The following XIRP2 variants were observed in gnomAD, a reference collection of about 807,000 sequenced individuals.
The protein encoded by XIRP2 is xin actin-binding repeat-containing protein 2.
XIRP2 carries 236 observed loss-of-function variants against 277.0 expected under a neutral mutation model. The observed-to-expected ratio is 0.85, with a 90% CI of 0.77 to 0.95. XIRP2 has a LOEUF of 0.95. Among genes scored for constraint, XIRP2 ranks in the 40% least tolerant of loss-of-function variants. The probability of loss-of-function intolerance (pLI) is 0.00; values close to 1 mark genes in which losing one functional copy is unlikely to be tolerated. For missense variants in XIRP2, 4,640 were observed against 4,157.5 expected (o/e 1.12, Z -3.19); for synonymous variants, 1,490 against 1,416.5 (o/e 1.05, Z -1.17).
intron 2 of XIRP2, among the ~76,000 whole-genome samples, chr2:166,976,822 C>A (rs1329613029): frequency 6.6e-6 from 1 of 152,160 alleles, no homozygotes; most frequent in Non-Finnish European, 1.5e-5. Context: ...TGGGGCTCTC[C>A]ATTTCCTCCA....
intron 2 of XIRP2, among the ~76,000 whole-genome samples, chr2:167,084,725 G>C (rs1008827306): frequency 5.9e-5 from 9 of 151,734 alleles, no homozygotes; most frequent in Admixed American, 2.6e-4. Context: ...TAGTTTATTT[G>C]CGTAGAGGTG....
intron 2 of XIRP2, among the ~76,000 whole-genome samples, chr2:166,914,498 G>T (rs1164600314): frequency 1.3e-5 from 2 of 151,940 alleles, no homozygotes; most frequent in African/African-American, 2.4e-5. Flanking sequence ...CCGCCACCTT[G>T]CCCGGCTAAT....
intron 2 of XIRP2, among the ~76,000 whole-genome samples, chr2:166,934,868 A>G (rs932494798): frequency 7.7e-6 from 1 of 129,746 alleles, no homozygotes; most frequent in African/African-American, 2.8e-5. Flanking sequence ...AAATTTTTTA[A>G]AAAAGAAAAA....
chr2:167,139,694 A>G (rs760387155), intron 3 of XIRP2, among the ~76,000 whole-genome samples: 16 of 152,184 alleles, frequency 1.1e-4, no homozygotes, highest in Non-Finnish European at 2.1e-4. Context: ...TGTCATTTAC[A>G]TATCTTATTT....
chr2:166,906,689 C>T lies in XIRP2; in HGVS notation c.408+2799C>T, dbSNP rs555158328. 6.6e-5 allele frequency among the ~76,000 whole-genome samples: 10 copies of T among 152,118 alleles called. No individual in the cohort carries two copies. The South Asian group carries it at 1.0e-3, about 16-fold the overall frequency. ...TTTCTCAAAAGGCCAGGCACAGTGG[C>T]TCACACCTGTTTTCCCAGCACTTTG... On this transcript the variant is annotated intron_variant, in intron 2 of 10. Coordinates refer to ENST00000409195, the MANE Select transcript of XIRP2 (RefSeq NM_152381.6).
intron 8 of XIRP2, 38 bp from the exon 9 acceptor site, chr2:167,242,531 A>G: frequency 6.4e-7 from 1 of 1,571,650 alleles, no homozygotes; most frequent in Non-Finnish European, 8.6e-7. Context: ...CTGCCACTAC[A>G]CTCACCTTTA....
intron 2 of XIRP2, among the ~76,000 whole-genome samples, chr2:167,033,998 G>T (rs1373541018): frequency 1.3e-5 from 2 of 152,106 alleles, no homozygotes; most frequent in East Asian, 3.9e-4. Flanking sequence ...CAGTGTAATT[G>T]TGTTATATAA....
chr2:167,156,552 A>T (rs1433165918), intron 3 of XIRP2, among the ~76,000 whole-genome samples: 1 of 152,216 alleles, frequency 6.6e-6, no homozygotes, highest in Non-Finnish European at 1.5e-5. Flanking sequence ...TTTTCAAATT[A>T]TCAGATGCAA....
chr2:167,211,331 G>A lies in XIRP2; in HGVS notation c.723+436G>A, dbSNP rs565798488. 8.5e-5 allele frequency among the ~76,000 whole-genome samples: 13 copies of A among 152,070 alleles called. No individual in the cohort carries two copies. In the South Asian group the frequency reaches 1.0e-3, roughly 12 times the overall value. On this transcript the variant is annotated intron_variant, in intron 4 of 10. Transcript: ENST00000409195. ...AGGATGGTATCGATCTCTTGACCTC[G>A]TGATCCGCCCGCATCAGCCTCCCAA...
chr2:167,050,848 G>A (rs1279515524), intron 2 of XIRP2, among the ~76,000 whole-genome samples: 1 of 151,732 alleles, frequency 6.6e-6, no homozygotes, highest in African/African-American at 2.4e-5. Flanking sequence ...CTGCAATGGT[G>A]GGCAGAGAGG....
At position 167,119,802 on chromosome 2, in the gene XIRP2, A is replaced by T. The variant is rs61193377; in HGVS notation, c.409-16107A>T. ...AAAGTTCAGCAGTTTATTTATAGGA[A>T]GATTTTGTTTCTGCTTTTCTCCCTC... On this transcript the variant is annotated intron_variant, in intron 2 of 10. Transcript: ENST00000409195. 1.3e-3 allele frequency among the ~76,000 whole-genome samples: 201 copies of T among 152,288 alleles called. 7 individuals are homozygous for T. The East Asian group carries it at 0.034, about 25-fold the overall frequency.
chr2:166,999,991 T>C (rs780775707), intron 2 of XIRP2, among the ~76,000 whole-genome samples: 5 of 152,156 alleles, frequency 3.3e-5, no homozygotes, highest in African/African-American at 7.2e-5. Context: ...TAAAAAGATA[T>C]TTGGCATAAA....
At chr2:167,033,051 C>T (rs774437537) in intron 2 of XIRP2, among the ~76,000 whole-genome samples, 11 of 152,076 alleles carry the variant, frequency 7.2e-5, no homozygotes, top group Non-Finnish European at 1.3e-4. Flanking sequence ...ACCCAAATGC[C>T]CATTAATGTT....
chr2:167,126,197 T>A (rs536909045), intron 2 of XIRP2, among the ~76,000 whole-genome samples: 23 of 99,172 alleles, frequency 2.3e-4, no homozygotes, highest in Middle Eastern at 5.0e-3. Context: ...TCTCTCTCTC[T>A]CACACTCTCA....
chr2:167,167,598 G>C (rs141884996), intron 3 of XIRP2, among the ~76,000 whole-genome samples: 2 of 152,136 alleles, frequency 1.3e-5, no homozygotes, highest in Admixed American at 1.3e-4. Flanking sequence ...TGGGTAGTAT[G>C]GGTAGTGCAA....
At position 167,249,041 on chromosome 2, in the gene XIRP2, A is replaced by G. The variant is rs1317131909; in HGVS notation, c.7649A>G (p.Lys2550Arg). Residue 2550 changes from lysine (K) to arginine (R), a missense_variant, in exon 9 of 11, where the codon AAA becomes AGA. Physicochemically the swap from Lys to Arg is conservative, Grantham distance 26. Coordinates refer to ENST00000409195, the MANE Select transcript of XIRP2 (RefSeq NM_152381.6). ...FKTPLMIAEE[K>R]YRQQKEEIEK... ...ACACCTTTAATGATTGCTGAAGAAA[A>G]ATATAGACAACAAAAAGAAGAAATT... is the stretch of plus-strand genomic sequence containing the variant. 3 of 1,611,300 alleles carry G rather than the reference A, an allele frequency of 1.9e-6. No homozygotes were observed. Among genetic ancestry groups the G allele is most frequent in the South Asian group, 2.2e-5 (2 of 90,400 alleles).
chr2:167,113,246 G>A (rs567781909), intron 2 of XIRP2, among the ~76,000 whole-genome samples: 4 of 152,086 alleles, frequency 2.6e-5, no homozygotes, highest in Non-Finnish European at 5.9e-5. Context: ...TGTCAGTGGC[G>A]TGTTAAAGTC....
chr2:167,223,771 G>A (rs1167675146), intron 5 of XIRP2, among the ~76,000 whole-genome samples: 2 of 152,120 alleles, frequency 1.3e-5, no homozygotes, highest in Non-Finnish European at 2.9e-5. Context: ...GACCAAGAAT[G>A]TATCTTGTAT....
chr2:167,194,644 A>T (rs1437087238), intron 3 of XIRP2, among the ~76,000 whole-genome samples: 1 of 152,170 alleles, frequency 6.6e-6, no homozygotes, highest in East Asian at 2.0e-4. Flanking sequence ...AAATTAGAAA[A>T]CACTGTCAGG....
Sources: gnomAD v4.1 joint callset for allele counts (sites outside exome capture counted in the v4.1 genomes callset) on GRCh38, gnomAD v4.1.1 for gene constraint, MANE v1.5 for transcripts, NCBI Gene and HGNC (gene_info 2026-07-23, HGNC 2026-07-21) for gene names.